Variants in MAPK6 observed in about 807,000 individuals in gnomAD.
MAPK6 encodes the protein ERK-3.
Under a neutral mutation model 59.3 loss-of-function variants are expected in MAPK6, and 19 were observed. The observed-to-expected ratio is 0.32, with a 90% CI of 0.22 to 0.47. The LOEUF is 0.47. MAPK6 is among the 20% of genes least tolerant of loss of function. The pLI is 1.00. For missense variants in MAPK6, 724 were observed against 847.9 expected, an observed-to-expected ratio of 0.85 and a Z score of 1.81; for synonymous variants, 316 against 290.3, an observed-to-expected ratio of 1.09 and a Z score of -0.90.
chr15:52,062,699 C>A (rs1300431558), intron 5 of MAPK6, among the ~76,000 whole-genome samples: 4 of 152,048 alleles, frequency 2.6e-5, no homozygotes, highest in Non-Finnish European at 2.9e-5. Flanking sequence ...TGGGAGGCAG[C>A]AGTTGCAGTG....
chr15:52,043,307 AT>A (rs1015513373), intron 1 of MAPK6, among the ~76,000 whole-genome samples: 1 of 151,590 alleles, frequency 6.6e-6, no homozygotes, highest in African/African-American at 2.4e-5. Context: ...TTATTTATTC[AT>A]TTTTTTTGAG....
chr15:51,996,009 G>A (rs1179622101), intron 2 of MAPK6, among the ~76,000 whole-genome samples: 2 of 152,094 alleles, frequency 1.3e-5, no homozygotes, highest in African/African-American at 2.4e-5. Flanking sequence ...AGCTACCACC[G>A]CTTTCAGCCT....
intron 2 of MAPK6, among the ~76,000 whole-genome samples, chr15:51,985,782 C>A (rs1450846749): frequency 6.6e-6 from 1 of 151,946 alleles, no homozygotes; most frequent in South Asian, 2.1e-4. Flanking sequence ...CACGGTGAAA[C>A]CCCGTCTTTA....
At chr15:52,038,156 G>A (rs375956859) in intron 1 of MAPK6, among the ~76,000 whole-genome samples, 41 of 145,304 alleles carry the variant, frequency 2.8e-4, no homozygotes, top group Admixed American at 4.1e-4. Flanking sequence ...GCTCAAGATT[G>A]AAAAAAAAAA....
At chr15:52,010,513 C>T (rs1054963631) in intron 3 of MAPK6, among the ~76,000 whole-genome samples, 10 of 133,584 alleles carry the variant, frequency 7.5e-5, no homozygotes, top group African/African-American at 3.0e-4. Context: ...TTGCACCCAG[C>T]CTTTTTTTTT....
chr15:51,993,150 C>T (rs2057214935), intron 2 of MAPK6, among the ~76,000 whole-genome samples: 1 of 152,074 alleles, frequency 6.6e-6, no homozygotes, highest in African/African-American at 2.4e-5. Flanking sequence ...CCAAAAGTTA[C>T]CTCATTAGAA....
At position 51,999,766 on chromosome 15, in the gene MAPK6, C is replaced by T. The variant is rs537298520; in HGVS notation, c.-769-4499C>T. Among the ~76,000 whole-genome samples, 7 of 152,288 alleles carry T rather than the reference C, an allele frequency of 4.6e-5. No homozygotes were observed. In the South Asian group the frequency reaches 6.2e-4, roughly 14 times the overall value. ...TTAAGCCAGCCTTCCATCTCAGCCT[C>T]GTGAATAGCTGGGACTACAGGTGCA... On this transcript the variant is annotated intron_variant, in intron 2 of 7. Transcript: ENST00000691380.
At chr15:52,047,072 T>G (rs909678077) in intron 2 of MAPK6, 57 bp downstream of exon 2, 2 of 1,235,260 alleles carry the variant, frequency 1.6e-6, no homozygotes, top group Non-Finnish European at 2.2e-6. Flanking sequence ...TAATCAGGAA[T>G]AGGTACTTAT....
At chr15:52,059,819 C>G (rs2032127393) in intron 4 of MAPK6, among the ~76,000 whole-genome samples, 1 of 152,176 alleles carries the variant, frequency 6.6e-6, no homozygotes. Flanking sequence ...GTTTCTGAGA[C>G]TAAAGATTTA....
intron 2 of MAPK6, among the ~76,000 whole-genome samples, chr15:51,998,687 A>ATTTCTTTTTTTTTTTTTTTTT (rs2057233160): frequency 2.6e-5 from 1 of 38,472 alleles, no homozygotes; most frequent in Non-Finnish European, 4.6e-5. Context: ...TGCCTGGTTA[A>ATTTCTTTTTTTTTTTTTTTTT]TTTTTTTTTT....
upstream of MAPK6, chr15:52,018,150 C>T (rs1186169804): frequency 6.6e-6 from 1 of 152,238 alleles, no homozygotes; most frequent in African/African-American, 2.4e-5. Flanking sequence ...GCCTCAGCCT[C>T]CCGAGTAGCT....
rs1326600533 is a variant in MAPK6 at position 52,066,785 on chromosome 15, T to TGTGG, written c.*1788_*1789insGGTG. ...ACACGTGTGTGTGTGTGTGTGTGTG[T>TGTGG]GTGTGTGTATATATATTCATTTATT... is the stretch of plus-strand genomic sequence containing the variant. On this transcript the variant is annotated 3_prime_UTR_variant, in exon 6 of 6. Coordinates refer to ENST00000261845, the MANE Select transcript of MAPK6 (RefSeq NM_002748.4). 5 of 151,492 alleles carry TGTGG rather than the reference T, an allele frequency of 3.3e-5. No homozygotes were observed. Among genetic ancestry groups the TGTGG allele is most frequent in the Non-Finnish European group, 7.4e-5 (5 of 67,966 alleles). The allele number at this position is 151,492 out of a possible 1,614,324, so 9.4% of individuals were successfully genotyped here.
intron 2 of MAPK6, among the ~76,000 whole-genome samples, chr15:51,997,590 CTTT>C (rs747963086): frequency 6.7e-5 from 9 of 135,048 alleles, no homozygotes; most frequent in East Asian, 2.1e-4. Context: ...TTCTTTCTTT[CTTT>C]TTTTTTTTTT....
At chr15:52,061,821 G>T (rs1054004790) in intron 5 of MAPK6, among the ~76,000 whole-genome samples, 1 of 152,020 alleles carries the variant, frequency 6.6e-6, no homozygotes. Flanking sequence ...ATAAATAGCC[G>T]TTAATTAAAA....
chr15:52,067,025 T>G lies in MAPK6; in HGVS notation c.*2025T>G, dbSNP rs1048777478. 5 of 152,278 alleles carry G rather than the reference T, an allele frequency of 3.3e-5. No individual in the cohort carries two copies. The highest frequency in any genetic ancestry group is 1.2e-4 in the African/African-American group (5 of 41,550). 9.4% of individuals were successfully genotyped at this position (152,278 alleles called of 1,614,324 possible). ...AAAGGAAGCAACGGGCAGCAGACATTGGTCCCTGATCCTCCATTATAACCA... is the reference window on the plus strand; with the variant it reads ...AAAGGAAGCAACGGGCAGCAGACATGGGTCCCTGATCCTCCATTATAACCA... On this transcript the variant is annotated 3_prime_UTR_variant, in exon 6 of 6. Coordinates refer to ENST00000261845, the MANE Select transcript of MAPK6 (RefSeq NM_002748.4).
At chr15:52,042,969 C>T (rs8024265) in intron 1 of MAPK6, 3 of 151,848 alleles carry the variant, frequency 2.0e-5, no homozygotes, top group Non-Finnish European at 2.9e-5. Context: ...TCAAAAAATA[C>T]AAAAATTAGC....
At chr15:52,047,643 G>A (rs1469752401) in intron 2 of MAPK6, among the ~76,000 whole-genome samples, 4 of 146,074 alleles carry the variant, frequency 2.7e-5, no homozygotes, top group East Asian at 2.0e-4. Flanking sequence ...CCCATGCCCA[G>A]CCTTTTTTTT....
At chr15:52,042,073 C>T (rs995695833) in intron 1 of MAPK6, among the ~76,000 whole-genome samples, 2 of 152,128 alleles carry the variant, frequency 1.3e-5, no homozygotes, top group African/African-American at 4.8e-5. Context: ...TTATTGGATC[C>T]ACTGTATGAT....
At chr15:52,005,051 A>G (rs2141826869) in intron 3 of MAPK6, among the ~76,000 whole-genome samples, 1 of 152,316 alleles carries the variant, frequency 6.6e-6, no homozygotes, top group South Asian at 2.1e-4. Context: ...TTGAGGGGTA[A>G]ATAAGCATGT....
Sources: allele counts gnomAD v4.1 joint callset (sites outside exome capture counted in the v4.1 genomes callset), GRCh38; gene constraint gnomAD v4.1.1; transcripts MANE v1.5; gene names NCBI Gene and HGNC (gene_info 2026-07-23, HGNC 2026-07-21).